CDH13: variants seen among roughly 807,000 people sequenced by gnomAD.
CDH13 encodes the protein cadherin 13.
CDH13 carries 24 observed loss-of-function variants against 63.8 expected under a neutral mutation model. The ratio of observed to expected loss-of-function variants is 0.38; its 90% confidence interval spans 0.27 to 0.53. The LOEUF (loss-of-function observed/expected upper bound fraction) is 0.53, where lower values mean the gene tolerates loss of function less well. Ranked by LOEUF, CDH13 falls within the 20% of genes least tolerant of loss-of-function variation. The pLI is 0.85. For synonymous variants in CDH13, 503 were observed against 355.3 expected (o/e 1.42, Z -4.67); for missense variants, 1,049 against 903.1 (o/e 1.16, Z -2.07).
chr16:83,359,955 T>C (rs886185482), intron 6 of CDH13, among the ~76,000 whole-genome samples: 2 of 152,224 alleles, frequency 1.3e-5, no homozygotes, highest in African/African-American at 4.8e-5. Flanking sequence ...CCTTATAGTC[T>C]TAGGACACCA....
intron 1 of CDH13, among the ~76,000 whole-genome samples, chr16:82,857,294 G>T (rs1260611442): frequency 1.3e-5 from 2 of 152,208 alleles, no homozygotes; most frequent in Non-Finnish European, 2.9e-5. Flanking sequence ...TGCATATGGT[G>T]AGTTTAGCAC....
At chr16:83,110,513 C>G (rs543397343) in intron 3 of CDH13, among the ~76,000 whole-genome samples, 6 of 152,256 alleles carry the variant, frequency 3.9e-5, no homozygotes, top group Admixed American at 2.0e-4. Flanking sequence ...GGCTGGCGAG[C>G]TGAGTCACTG....
chr16:83,013,938 A>AC (rs1318874253), intron 2 of CDH13, among the ~76,000 whole-genome samples: 1 of 152,184 alleles, frequency 6.6e-6, no homozygotes, highest in Non-Finnish European at 1.5e-5. Flanking sequence ...TGATAACAGA[A>AC]AGAAACATCA....
intron 2 of CDH13, among the ~76,000 whole-genome samples, chr16:82,891,101 C>G (rs1052619919): frequency 7.1e-6 from 1 of 140,782 alleles, no homozygotes; most frequent in Non-Finnish European, 1.5e-5. Flanking sequence ...CTTTTATTAT[C>G]TCAGAACTCA....
intron 4 of CDH13, among the ~76,000 whole-genome samples, chr16:83,216,286 C>A (rs939477952): frequency 1.3e-5 from 2 of 149,616 alleles, no homozygotes; most frequent in Admixed American, 1.3e-4. Flanking sequence ...GGTTCTGAAC[C>A]CATTTTTATC....
At chr16:83,420,106 A>G (rs1460531430) in intron 6 of CDH13, among the ~76,000 whole-genome samples, 13 of 152,202 alleles carry the variant, frequency 8.5e-5, no homozygotes, top group Admixed American at 4.6e-4. Flanking sequence ...AATAAAAAAT[A>G]TAAAAGAGAA....
At chr16:83,672,292 A>G (rs1567504192) in intron 9 of CDH13, among the ~76,000 whole-genome samples, 1 of 151,978 alleles carries the variant, frequency 6.6e-6, no homozygotes, top group African/African-American at 2.4e-5. Context: ...TAAAAAGTCC[A>G]ATATCAACCT....
At chr16:83,022,632 C>G (rs1449385668) in intron 2 of CDH13, among the ~76,000 whole-genome samples, 3 of 152,192 alleles carry the variant, frequency 2.0e-5, no homozygotes, top group African/African-American at 7.2e-5. Context: ...CTGTGCATAT[C>G]TGTCTGGGGG....
chr16:83,396,337 C>T (rs907302433), intron 6 of CDH13, among the ~76,000 whole-genome samples: 1 of 152,106 alleles, frequency 6.6e-6, no homozygotes, highest in African/African-American at 2.4e-5. Flanking sequence ...GTGTCTGGCA[C>T]AGGAATGTCA....
chr16:83,462,845 C>G (rs1256549993), intron 6 of CDH13, among the ~76,000 whole-genome samples: 2 of 152,138 alleles, frequency 1.3e-5, no homozygotes, highest in African/African-American at 4.8e-5. Context: ...TGTTCACTTA[C>G]TCATCAATTT....
intron 6 of CDH13, among the ~76,000 whole-genome samples, chr16:83,426,548 T>A (rs2035708): frequency 1.3e-5 from 2 of 151,780 alleles, no homozygotes; most frequent in African/African-American, 4.8e-5. Context: ...CACACACTCA[T>A]GTGGTTACCT....
At chr16:83,381,489 C>T (rs1567631009) in intron 6 of CDH13, among the ~76,000 whole-genome samples, 1 of 151,954 alleles carries the variant, frequency 6.6e-6, no homozygotes, top group Non-Finnish European at 1.5e-5. Flanking sequence ...ACCCTCAAAG[C>T]CCTGGGATGC....
intron 2 of CDH13, among the ~76,000 whole-genome samples, chr16:82,950,101 T>G (rs1246965968): frequency 6.6e-6 from 1 of 152,088 alleles, no homozygotes; most frequent in Non-Finnish European, 1.5e-5. Flanking sequence ...CAAAATAAAT[T>G]TCCTGTCAAT....
At chr16:83,651,312 C>T (rs973004735) in intron 8 of CDH13, among the ~76,000 whole-genome samples, 2 of 152,064 alleles carry the variant, frequency 1.3e-5, no homozygotes, top group South Asian at 2.1e-4. Flanking sequence ...CAACAAACAT[C>T]GTTTCTTTAT....
At chr16:83,020,878 C>T (rs187929927) in intron 2 of CDH13, among the ~76,000 whole-genome samples, 1 of 152,354 alleles carries the variant, frequency 6.6e-6, no homozygotes, top group East Asian at 1.9e-4. Context: ...TTAGCCAGGA[C>T]ACTTTGTCAC....
At chr16:83,632,525 G>A (rs1005228675) in intron 8 of CDH13, among the ~76,000 whole-genome samples, 1 of 151,834 alleles carries the variant, frequency 6.6e-6, no homozygotes, top group African/African-American at 2.4e-5. Flanking sequence ...CTCAGATCAG[G>A]AAGCTGAGGG....
intron 1 of CDH13, among the ~76,000 whole-genome samples, chr16:82,703,487 A>G (rs780930381): frequency 2.0e-5 from 3 of 152,078 alleles, no homozygotes; most frequent in African/African-American, 7.2e-5. Flanking sequence ...CCCTTTGGAG[A>G]TGTATTTGAC....
rs1371848663 is a variant in CDH13 at position 82,641,774 on chromosome 16, T to C, written c.45+14637T>C. ...GAGTGCTCAACACTTTTCTAGGCAC[T>C]GGGAATACAGAAATGAGTAAGACAG... On this transcript the variant is annotated intron_variant, in intron 1 of 13. Transcript: ENST00000567109. 2.0e-5 allele frequency among the ~76,000 whole-genome samples: 3 copies of C among 152,178 alleles called. No individual in the cohort carries two copies. In the East Asian group the frequency reaches 5.8e-4, roughly 29 times the overall value.
At chr16:83,009,320 A>T (rs1027748941) in intron 2 of CDH13, among the ~76,000 whole-genome samples, 37 of 152,216 alleles carry the variant, frequency 2.4e-4, no homozygotes, top group African/African-American at 8.9e-4. Flanking sequence ...GATCAGTAAG[A>T]GGTGTCTCTT....
Sources: allele counts gnomAD v4.1 joint callset (sites outside exome capture counted in the v4.1 genomes callset), GRCh38; gene constraint gnomAD v4.1.1; transcripts MANE v1.5; gene names NCBI Gene and HGNC (gene_info 2026-07-23, HGNC 2026-07-21).